Variants in NEGR1 observed in about 807,000 individuals in gnomAD.
NEGR1 encodes neuronal growth regulator 1.
NEGR1 carries 10 observed loss-of-function variants against 40.9 expected under a neutral mutation model. That is an observed-to-expected ratio of 0.24 (90% CI 0.15 to 0.42). The LOEUF (loss-of-function observed/expected upper bound fraction) is 0.42. Ranked by LOEUF, NEGR1 falls within the 10% of genes least tolerant of loss-of-function variation. The pLI, the probability that NEGR1 is intolerant of heterozygous loss-of-function variation, is 1.00. For synonymous variants in NEGR1, 185 were observed against 166.8 expected, an observed-to-expected ratio of 1.11 and a Z score of -0.84; for missense variants, 352 against 438.9, an observed-to-expected ratio of 0.80 and a Z score of 1.77.
chr1:72,282,209 G>A (rs912445111), intron 1 of NEGR1, 110 bp downstream of exon 1: 90 of 1,267,082 alleles, frequency 7.1e-5, no homozygotes, highest in Middle Eastern at 5.8e-4. Context: ...GTCTTTCCAT[G>A]ATGAGCACCA....
At chr1:71,471,839 A>C (rs1227610759) in intron 6 of NEGR1, among the ~76,000 whole-genome samples, 1 of 152,076 alleles carries the variant, frequency 6.6e-6, no homozygotes, top group Non-Finnish European at 1.5e-5. Context: ...AGGAGCCAGT[A>C]TTCCACAGTC....
intron 1 of NEGR1, among the ~76,000 whole-genome samples, chr1:72,209,628 C>T (rs944355570): frequency 3.9e-5 from 6 of 151,920 alleles, no homozygotes; most frequent in Middle Eastern, 6.8e-3. Flanking sequence ...ACCGATATGA[C>T]ATTTCTATGA....
intron 2 of NEGR1, among the ~76,000 whole-genome samples, chr1:71,856,722 T>TA (rs1659779442): frequency 6.6e-6 from 1 of 152,058 alleles, no homozygotes; most frequent in African/African-American, 2.4e-5. Context: ...AATTGTTGCA[T>TA]AAAAATACTC....
chr1:71,611,581 A>T (rs1557586936), intron 4 of NEGR1, among the ~76,000 whole-genome samples: 1 of 152,332 alleles, frequency 6.6e-6, no homozygotes, highest in South Asian at 2.1e-4. Context: ...CAATTTTACA[A>T]ATGTGAAAAG....
chr1:72,035,309 T>C (rs1370871542), intron 1 of NEGR1, among the ~76,000 whole-genome samples: 1 of 152,160 alleles, frequency 6.6e-6, no homozygotes, highest in African/African-American at 2.4e-5. Context: ...TCTTCCTGTG[T>C]GTCCGTGTCC....
rs1660944144 is a variant in NEGR1, at chr1:71,895,433, C to T, written c.409+39646G>A. 2.0e-5 allele frequency among the ~76,000 whole-genome samples: 3 copies of T among 152,138 alleles called. No individual in the cohort carries two copies. The South Asian group carries it at 6.2e-4, about 32-fold the overall frequency. On this transcript the variant is annotated intron_variant, in intron 2 of 6. Coordinates refer to ENST00000357731, the MANE Select transcript of NEGR1 (RefSeq NM_173808.3). ...CATCACTCCCAAAAGAAATGCCATTCCCATTAGTACCTACTCCTCATTCAT... is the reference window on the plus strand; with the variant it reads ...CATCACTCCCAAAAGAAATGCCATTTCCATTAGTACCTACTCCTCATTCAT...
chr1:71,881,136 T>A (rs1023816414), intron 2 of NEGR1, among the ~76,000 whole-genome samples: 3 of 152,070 alleles, frequency 2.0e-5, no homozygotes, highest in Non-Finnish European at 4.4e-5. Context: ...CAGTACAGTA[T>A]GTTTCGAGCT....
chr1:72,030,836 C>T (rs1646852080), intron 1 of NEGR1, among the ~76,000 whole-genome samples: 1 of 152,066 alleles, frequency 6.6e-6, no homozygotes, highest in Admixed American at 6.6e-5. Flanking sequence ...AAAATATTGG[C>T]TGAGAATTCT....
At chr1:71,792,349 G>A (rs1657147729) in intron 2 of NEGR1, among the ~76,000 whole-genome samples, 1 of 152,120 alleles carries the variant, frequency 6.6e-6, no homozygotes, top group Admixed American at 6.5e-5. Flanking sequence ...AAGTCACAGT[G>A]TATGCATCCA....
intron 4 of NEGR1, among the ~76,000 whole-genome samples, chr1:71,684,261 A>G (rs985067046): frequency 6.6e-6 from 1 of 151,912 alleles, no homozygotes; most frequent in Non-Finnish European, 1.5e-5. Flanking sequence ...ACACAGCAAG[A>G]CTCCATCTCA....
chr1:71,598,341 A>G (rs1649797248), intron 5 of NEGR1, among the ~76,000 whole-genome samples: 1 of 152,218 alleles, frequency 6.6e-6, no homozygotes, highest in Non-Finnish European at 1.5e-5. Context: ...CTATGCCAGG[A>G]AAGCCAGGTT....
intron 6 of NEGR1, among the ~76,000 whole-genome samples, chr1:71,528,245 T>C (rs1334941173): frequency 6.6e-6 from 1 of 151,382 alleles, no homozygotes; most frequent in African/African-American, 2.4e-5. Flanking sequence ...CTATACCTAA[T>C]CCATGAAGAT....
Position 71,546,450 on chromosome 1 carries a change from C to T in NEGR1, c.940+46367G>A, listed in dbSNP as rs985935093. On this transcript the variant is annotated intron_variant, in intron 6 of 6. Transcript: ENST00000357731. ...TAAAATAAAAATAAATATAGGATAACATAAAAACTTAAAATTTTACCAAAA... is the reference window on the plus strand; with the variant it reads ...TAAAATAAAAATAAATATAGGATAATATAAAAACTTAAAATTTTACCAAAA... Among the ~76,000 whole-genome samples the T allele has an allele frequency of 2.6e-5, 4 of 151,520 alleles. No individual in the cohort carries two copies. The South Asian group carries it at 8.3e-4, about 31-fold the overall frequency.
intron 6 of NEGR1, among the ~76,000 whole-genome samples, chr1:71,508,233 A>G (rs751359989): frequency 5.3e-5 from 8 of 152,130 alleles, no homozygotes; most frequent in Non-Finnish European, 1.2e-4. Context: ...GAAGGTCCCT[A>G]TTAAGTGCTC....
chr1:71,942,735 C>G (rs1416173775), intron 1 of NEGR1, among the ~76,000 whole-genome samples: 2 of 145,012 alleles, frequency 1.4e-5, no homozygotes, highest in Non-Finnish European at 3.0e-5. Context: ...ATCTCCTGAC[C>G]TCGTGATCCG....
At chr1:72,094,363 C>G (rs764370762) in intron 1 of NEGR1, among the ~76,000 whole-genome samples, 3 of 152,072 alleles carry the variant, frequency 2.0e-5, no homozygotes, top group Non-Finnish European at 4.4e-5. Context: ...AAGAGTATGG[C>G]TTACAGAGGA....
At chr1:72,121,634 A>G (rs1002159010) in intron 1 of NEGR1, among the ~76,000 whole-genome samples, 2 of 151,970 alleles carry the variant, frequency 1.3e-5, no homozygotes, top group Admixed American at 1.3e-4. Context: ...TTTACTAGAA[A>G]TCTATTTAAA....
At chr1:71,994,451 C>A (rs1646484585) in intron 1 of NEGR1, among the ~76,000 whole-genome samples, 1 of 151,786 alleles carries the variant, frequency 6.6e-6, no homozygotes. Flanking sequence ...TGGCCTGAAC[C>A]CGGGAGGCGG....
intron 2 of NEGR1, among the ~76,000 whole-genome samples, chr1:71,780,786 T>C (rs1030367117): frequency 6.6e-6 from 1 of 152,210 alleles, no homozygotes; most frequent in Admixed American, 6.5e-5. Context: ...CATATTTAGA[T>C]TCTCTAAAGA....
Sources: allele counts gnomAD v4.1 joint callset (sites outside exome capture counted in the v4.1 genomes callset), GRCh38; gene constraint gnomAD v4.1.1; transcripts MANE v1.5; gene names NCBI Gene and HGNC (gene_info 2026-07-23, HGNC 2026-07-21).